The following ZBTB20 variants were observed in gnomAD, a reference collection of about 807,000 sequenced individuals.
The protein encoded by ZBTB20 is zinc finger and BTB domain containing 20, also known as zinc finger and BTB domain-containing protein 20.
A neutral mutation model predicts 56.9 loss-of-function variants in ZBTB20; 9 were observed. The ratio of observed to expected loss-of-function variants is 0.16; its 90% confidence interval spans 0.10 to 0.28. ZBTB20 has a LOEUF of 0.28. Among genes scored for constraint, ZBTB20 ranks in the 10% least tolerant of loss-of-function variants. The pLI, the probability that ZBTB20 is intolerant of heterozygous loss-of-function variation, is 1.00. For synonymous variants in ZBTB20, 417 were observed against 420.7 expected (o/e 0.99, Z 0.11); for missense variants, 655 against 1,003.0 (o/e 0.65, Z 4.69).
chr3:114,502,421 A>T (rs991302269), intron 6 of ZBTB20, among the ~76,000 whole-genome samples: 1 of 152,170 alleles, frequency 6.6e-6, no homozygotes, highest in Non-Finnish European at 1.5e-5. Flanking sequence ...GCTCAAGTAC[A>T]TGCAGGTGTA....
intron 10 of ZBTB20, among the ~76,000 whole-genome samples, chr3:114,361,955 C>T (rs996114499): frequency 6.6e-6 from 1 of 152,148 alleles, no homozygotes; most frequent in African/African-American, 2.4e-5. Context: ...AAGGACGAGG[C>T]TCAATGGCAT....
chr3:114,729,638 T>C (rs1476845818), intron 5 of ZBTB20, among the ~76,000 whole-genome samples: 1 of 152,190 alleles, frequency 6.6e-6, no homozygotes, highest in Non-Finnish European at 1.5e-5. Flanking sequence ...AAGGGAGGTC[T>C]AGTACGTAAG....
intron 4 of ZBTB20, among the ~76,000 whole-genome samples, chr3:114,821,912 A>T (rs1478994570): frequency 6.6e-6 from 1 of 152,152 alleles, no homozygotes; most frequent in Non-Finnish European, 1.5e-5. Flanking sequence ...TGAAAATCTT[A>T]TAATGCTAAA....
intron 5 of ZBTB20, among the ~76,000 whole-genome samples, chr3:114,766,302 T>TA (rs1158739815): frequency 6.6e-6 from 1 of 151,918 alleles, no homozygotes; most frequent in Non-Finnish European, 1.5e-5. Flanking sequence ...CAGAAACGGA[T>TA]AAAAAAGCCT....
intron 6 of ZBTB20, among the ~76,000 whole-genome samples, chr3:114,574,365 A>C (rs2053773363): frequency 6.6e-6 from 1 of 152,198 alleles, no homozygotes; most frequent in Admixed American, 6.5e-5. Context: ...ATAATGCTAC[A>C]TTACTTTGCA....
At chr3:114,779,761 G>T (rs2069920719) in intron 5 of ZBTB20, among the ~76,000 whole-genome samples, 1 of 152,124 alleles carries the variant, frequency 6.6e-6, no homozygotes, top group African/African-American at 2.4e-5. Context: ...CATTTGGAAA[G>T]ATATGAGATA....
chr3:114,349,052 TA>T (rs376742349), intron 11 of ZBTB20, among the ~76,000 whole-genome samples: 3 of 151,912 alleles, frequency 2.0e-5, no homozygotes, highest in African/African-American at 7.3e-5. Flanking sequence ...ATAAAAAAGT[TA>T]AATGAGCGTG....
chr3:114,486,031 T>G (rs1293359700), intron 7 of ZBTB20, among the ~76,000 whole-genome samples: 5 of 150,226 alleles, frequency 3.3e-5, no homozygotes, highest in Admixed American at 6.8e-5. Flanking sequence ...AACATCAAAA[T>G]GTTTCAAAAG....
chr3:115,032,256 T>C (rs1006797749), intron 2 of ZBTB20, among the ~76,000 whole-genome samples: 1 of 151,390 alleles, frequency 6.6e-6, no homozygotes, highest in African/African-American at 2.4e-5. Flanking sequence ...ATAAATTATA[T>C]TGTGTTAGGG....
intron 5 of ZBTB20, among the ~76,000 whole-genome samples, chr3:114,774,649 T>C (rs760998886): frequency 6.6e-6 from 1 of 152,150 alleles, no homozygotes; most frequent in African/African-American, 2.4e-5. Context: ...ATAACAAATC[T>C]CGCCAACTCT....
intron 10 of ZBTB20, among the ~76,000 whole-genome samples, chr3:114,366,033 C>T (rs2082364447): frequency 6.6e-6 from 1 of 152,186 alleles, no homozygotes; most frequent in Non-Finnish European, 1.5e-5. Context: ...CCACAACATT[C>T]ATTTATTCAT....
At chr3:114,656,655 T>C (rs572101613) in intron 6 of ZBTB20, among the ~76,000 whole-genome samples, 4 of 152,316 alleles carry the variant, frequency 2.6e-5, no homozygotes, top group African/African-American at 9.6e-5. Context: ...TCAAAAAAAT[T>C]TCAGGTATTA....
chr3:114,643,029 C>A (rs2059639561), intron 6 of ZBTB20, among the ~76,000 whole-genome samples: 1 of 151,994 alleles, frequency 6.6e-6, no homozygotes, highest in African/African-American at 2.4e-5. Context: ...CTTAGCTTGG[C>A]AGAAATTCAA....
intron 6 of ZBTB20, among the ~76,000 whole-genome samples, chr3:114,663,074 G>T (rs1272318412): frequency 6.6e-6 from 1 of 150,694 alleles, no homozygotes; most frequent in Non-Finnish European, 1.5e-5. Flanking sequence ...GCAACTCCAA[G>T]ACACACAATT....
intron 6 of ZBTB20, among the ~76,000 whole-genome samples, chr3:114,548,467 A>T (rs2050164363): frequency 6.6e-6 from 1 of 152,130 alleles, no homozygotes; most frequent in African/African-American, 2.4e-5. Context: ...AAAGGATATC[A>T]AGTTTTAAAA....
At chr3:115,097,221 C>T (rs1339142141) in intron 1 of ZBTB20, among the ~76,000 whole-genome samples, 1 of 152,152 alleles carries the variant, frequency 6.6e-6, no homozygotes, top group Non-Finnish European at 1.5e-5. Flanking sequence ...GCTCTGTCAC[C>T]AGGCTGCAGT....
Position 114,366,085 on chromosome 3 carries a change from G to GC in ZBTB20, c.199+14131dup, listed in dbSNP as rs547939171. 2.6e-4 allele frequency among the ~76,000 whole-genome samples: 39 copies of GC among 152,320 alleles called. No individual in the cohort carries two copies. The South Asian group carries it at 6.4e-3, about 25-fold the overall frequency. On this transcript the variant is annotated intron_variant, in intron 10 of 11. Coordinates refer to ENST00000675478, the MANE Select transcript of ZBTB20 (RefSeq NM_001348800.3). ...GAGCACCTACTCCTAATTTGTGTAA[G>GC]CACTTTGCTGGGTGCTAGGGATTCA...
At chr3:114,830,113 T>A (rs1259475612) in intron 4 of ZBTB20, among the ~76,000 whole-genome samples, 1 of 151,898 alleles carries the variant, frequency 6.6e-6, no homozygotes, top group Admixed American at 6.6e-5. Flanking sequence ...TTCCCTAACC[T>A]ATGCCATCCT....
At chr3:115,017,858 T>C (rs1390197446) in intron 2 of ZBTB20, among the ~76,000 whole-genome samples, 2 of 151,514 alleles carry the variant, frequency 1.3e-5, no homozygotes, top group African/African-American at 2.4e-5. Context: ...CACATACATA[T>C]ATACAACACA....
Sources: allele counts gnomAD v4.1 joint callset (sites outside exome capture counted in the v4.1 genomes callset), GRCh38; gene constraint gnomAD v4.1.1; transcripts MANE v1.5; gene names NCBI Gene and HGNC (gene_info 2026-07-23, HGNC 2026-07-21).